Variants in CNKSR2 observed in about 807,000 individuals in gnomAD.
CNKSR2 encodes the protein connector enhancer of kinase suppressor of Ras 2.
Under a neutral mutation model 84.4 loss-of-function variants are expected in CNKSR2, and 14 were observed. The observed-to-expected ratio is 0.17, with a 90% CI of 0.11 to 0.26. CNKSR2 has a LOEUF of 0.26. Among genes scored for constraint, CNKSR2 ranks in the 10% least tolerant of loss-of-function variants. The probability of loss-of-function intolerance (pLI) is 1.00; values close to 1 mark genes in which losing one functional copy is unlikely to be tolerated. For missense variants in CNKSR2, 485 were observed against 771.2 expected (o/e 0.63, Z 4.40); for synonymous variants, 275 against 277.9 (o/e 0.99, Z 0.10).
At chrX:21,452,753 CTTATTTTATT>C (rs3050694) in intron 4 of CNKSR2, among the ~76,000 whole-genome samples, 4,447 of 86,746 alleles carry the variant, frequency 0.051, 141 homozygotes, top group African/African-American at 0.092. Flanking sequence ...ACAAGCATGA[CTTATTTTATT>C]TTATTTTATT....
chrX:21,442,522 C>T (rs935059594), intron 4 of CNKSR2, among the ~76,000 whole-genome samples: 1 of 111,826 alleles, frequency 8.9e-6, no homozygotes. Context: ...GAAATAAGCA[C>T]AAAAGTGTTG....
chrX:21,651,816 A>G (rs1821350630), intron 21 of CNKSR2, among the ~76,000 whole-genome samples: 1 of 111,996 alleles, frequency 8.9e-6, no homozygotes, highest in African/African-American at 3.3e-5. Flanking sequence ...CACAGCAAGA[A>G]TTATGTATTT....
chrX:21,590,830 G>A, intron 14 of CNKSR2, 192 bp from the exon 15 acceptor site: 2 of 459,442 alleles, frequency 4.4e-6, no homozygotes, highest in East Asian at 7.5e-5. Flanking sequence ...TGAGAGTGGT[G>A]TTACATATTT....
At chrX:21,608,409 C>G (rs991223677) in intron 19 of CNKSR2, among the ~76,000 whole-genome samples, 7 of 111,503 alleles carry the variant, frequency 6.3e-5, no homozygotes, top group South Asian at 7.6e-4. Flanking sequence ...ACATATAGTC[C>G]CAAGCTTTAA....
At chrX:21,482,639 T>A (rs2091333519) in intron 5 of CNKSR2, among the ~76,000 whole-genome samples, 1 of 112,181 alleles carries the variant, frequency 8.9e-6, no homozygotes, top group South Asian at 3.7e-4. Flanking sequence ...CTGTTAGGGG[T>A]CATTGCTTCT....
chrX:21,518,019 T>G (rs1451930579), intron 9 of CNKSR2, among the ~76,000 whole-genome samples: 1 of 111,999 alleles, frequency 8.9e-6, no homozygotes, highest in African/African-American at 3.2e-5. Context: ...CTTTAAAATT[T>G]TAATGTGAAT....
At chrX:21,481,055 A>C (rs1355870859) in intron 5 of CNKSR2, among the ~76,000 whole-genome samples, 2 of 111,964 alleles carry the variant, frequency 1.8e-5, no homozygotes, top group African/African-American at 6.5e-5. Flanking sequence ...TGTACAATAG[A>C]GATAATAGCA....
chrX:21,569,508 C>T (rs140415441), intron 13 of CNKSR2, among the ~76,000 whole-genome samples: 2,755 of 111,744 alleles, frequency 0.025, 32 homozygotes, highest in Non-Finnish European at 0.037. Context: ...GTGACTTCCT[C>T]CACTAAAGTT....
intron 1 of CNKSR2, among the ~76,000 whole-genome samples, chrX:21,392,980 T>C (rs866343837): frequency 1.8e-5 from 2 of 112,004 alleles, no homozygotes; most frequent in Middle Eastern, 4.6e-3. Flanking sequence ...GTGTGAAAAT[T>C]CTAAAAAGCT....
intron 9 of CNKSR2, among the ~76,000 whole-genome samples, chrX:21,517,986 CAT>C (rs765298575): frequency 6.2e-5 from 7 of 112,018 alleles, no homozygotes; most frequent in Non-Finnish European, 9.4e-5. Context: ...TATAAAAACA[CAT>C]ATATGTGTCA....
chrX:21,619,132 C>G (rs1053235481), intron 20 of CNKSR2, among the ~76,000 whole-genome samples: 11 of 112,282 alleles, frequency 9.8e-5, no homozygotes, highest in African/African-American at 3.5e-4. Flanking sequence ...AGAGCTATTT[C>G]TGATTCAGCT....
At chrX:21,473,555 G>A (rs954936545) in intron 5 of CNKSR2, among the ~76,000 whole-genome samples, 50 of 108,368 alleles carry the variant, frequency 4.6e-4, no homozygotes, top group African/African-American at 1.6e-3. Flanking sequence ...GCTGAATCAA[G>A]TGATGTTTTT....
At chrX:21,514,289 A>G (rs1050566488) in intron 8 of CNKSR2, among the ~76,000 whole-genome samples, 5 of 111,861 alleles carry the variant, frequency 4.5e-5, no homozygotes, top group African/African-American at 6.5e-5. Context: ...AAAGATATAT[A>G]CTATACAGTT....
intron 13 of CNKSR2, among the ~76,000 whole-genome samples, chrX:21,577,689 C>T (rs2092327866): frequency 9.1e-6 from 1 of 110,483 alleles, no homozygotes; most frequent in South Asian, 3.8e-4. Flanking sequence ...TTTAATCAGA[C>T]ATCTCAAGTT....
intron 11 of CNKSR2, among the ~76,000 whole-genome samples, chrX:21,544,555 G>C (rs144713275): frequency 0.021 from 2,341 of 112,346 alleles, 68 homozygotes; most frequent in African/African-American, 0.072. Flanking sequence ...CTAGGTAATG[G>C]ATAAAACAGT....
intron 10 of CNKSR2, 102 bp downstream of exon 10, chrX:21,527,102 C>G (rs2091842729): frequency 1.4e-6 from 1 of 740,366 alleles, no homozygotes. Flanking sequence ...TGAATATTTT[C>G]TCACAGTTAG....
chrX:21,612,042 C>T (rs969724409), intron 20 of CNKSR2, among the ~76,000 whole-genome samples: 1 of 112,097 alleles, frequency 8.9e-6, no homozygotes, highest in African/African-American at 3.2e-5. Context: ...TATGTTTGTT[C>T]TAATGATGGT....
In CNKSR2 at chrX:21,487,944, G is replaced by A. The variant is rs186537558; in HGVS notation, c.562-2515G>A. Among the ~76,000 whole-genome samples the A allele has an allele frequency of 1.4e-3, 162 of 112,531 alleles. 1 individual carries two copies. The highest frequency in any genetic ancestry group is 4.8e-3 in the African/African-American group (149 of 31,051). On this transcript the variant is annotated intron_variant, in intron 5 of 21. Coordinates refer to ENST00000379510, the MANE Select transcript of CNKSR2 (RefSeq NM_014927.5). ...CAGCAGAGCATAAAACCAAGTGTAG[G>A]CCCATGTGCAACTGCACAAGTCACC...
chrX:21,630,293 A>G (rs1056086135), intron 20 of CNKSR2, among the ~76,000 whole-genome samples: 1 of 112,434 alleles, frequency 8.9e-6, no homozygotes, highest in Non-Finnish European at 1.9e-5. Flanking sequence ...CTAAAGTAGA[A>G]TTGCCTTTCT....
Sources: allele counts gnomAD v4.1 joint callset (sites outside exome capture counted in the v4.1 genomes callset), GRCh38; gene constraint gnomAD v4.1.1; transcripts MANE v1.5; gene names NCBI Gene and HGNC (gene_info 2026-07-23, HGNC 2026-07-21).